Variants in LUZP2 observed in about 807,000 individuals in gnomAD.
The protein encoded by LUZP2 is leucine zipper protein 2.
A neutral mutation model predicts 51.6 loss-of-function variants in LUZP2; 52 were observed. The ratio of observed to expected loss-of-function variants is 1.01; its 90% CI spans 0.81 to 1.27. LUZP2 has a LOEUF of 1.27. Ranked by LOEUF, LUZP2 falls within the 50% of genes most tolerant of loss-of-function variation. The pLI, the probability that LUZP2 is intolerant of heterozygous loss-of-function variation, is 0.00. For synonymous variants in LUZP2, 154 were observed against 137.3 expected (o/e 1.12, Z -0.85); for missense variants, 436 against 395.4 (o/e 1.10, Z -0.87).
At chr11:24,623,893 C>T (rs923985627) in intron 1 of LUZP2, among the ~76,000 whole-genome samples, 2 of 152,204 alleles carry the variant, frequency 1.3e-5, no homozygotes, top group East Asian at 3.9e-4. Context: ...TCAATAACTA[C>T]TTGTTAAACA....
intron 1 of LUZP2, among the ~76,000 whole-genome samples, chr11:24,517,253 A>G (rs1850494410): frequency 6.6e-6 from 1 of 151,982 alleles, no homozygotes; most frequent in African/African-American, 2.4e-5. Context: ...TGGGAGGCCA[A>G]GGTGGGCGGA....
At chr11:24,971,087 A>G (rs1855724238) in intron 7 of LUZP2, among the ~76,000 whole-genome samples, 1 of 152,232 alleles carries the variant, frequency 6.6e-6, no homozygotes, top group African/African-American at 2.4e-5. Context: ...TAAGTAGGAG[A>G]TAAGCATGGA....
intron 1 of LUZP2, among the ~76,000 whole-genome samples, chr11:24,588,031 T>G (rs546668914): frequency 1.3e-5 from 2 of 152,266 alleles, no homozygotes; most frequent in South Asian, 4.1e-4. Context: ...AACTTGAGTA[T>G]GGGAAGATAG....
At chr11:24,689,811 CT>C (rs1180878758) in intron 1 of LUZP2, among the ~76,000 whole-genome samples, 6 of 152,070 alleles carry the variant, frequency 3.9e-5, no homozygotes, top group African/African-American at 1.4e-4. Context: ...GCATTCACTC[CT>C]TTTTCATAAC....
At chr11:25,020,421 C>A (rs780579450) in intron 9 of LUZP2, among the ~76,000 whole-genome samples, 2 of 152,088 alleles carry the variant, frequency 1.3e-5, no homozygotes, top group Non-Finnish European at 2.9e-5. Context: ...TGTGAAGCTG[C>A]ACTTGTAGCT....
At chr11:24,602,166 G>GTGTATATATGTATATA (rs1565020559) in intron 1 of LUZP2, among the ~76,000 whole-genome samples, 1 of 94,710 alleles carries the variant, frequency 1.1e-5, no homozygotes, top group South Asian at 2.9e-4. Flanking sequence ...ATGTATATAT[G>GTGTATATATGTATATA]TGTATATATA....
chr11:24,742,448 A>G (rs935069361), intron 4 of LUZP2, among the ~76,000 whole-genome samples: 9 of 152,082 alleles, frequency 5.9e-5, no homozygotes, highest in African/African-American at 7.2e-5. Flanking sequence ...TTCCCTGATC[A>G]TTAATGATAT....
At chr11:24,838,034 C>G (rs916187150) in intron 5 of LUZP2, among the ~76,000 whole-genome samples, 1 of 151,556 alleles carries the variant, frequency 6.6e-6, no homozygotes, top group African/African-American at 2.4e-5. Context: ...CCTTCATATT[C>G]TACAACTCTA....
intron 1 of LUZP2, among the ~76,000 whole-genome samples, chr11:24,548,233 A>G (rs1391527505): frequency 2.6e-5 from 4 of 152,138 alleles, no homozygotes; most frequent in Non-Finnish European, 5.9e-5. Flanking sequence ...TCATTCTACC[A>G]TAAAGACACA....
At chr11:24,643,765 AG>A (rs1156602240) in intron 1 of LUZP2, among the ~76,000 whole-genome samples, 1 of 152,176 alleles carries the variant, frequency 6.6e-6, no homozygotes, top group African/African-American at 2.4e-5. Context: ...TTGAAAAAAA[AG>A]ATACACCAAA....
chr11:24,704,132 TC>T (rs2133916285), intron 1 of LUZP2, among the ~76,000 whole-genome samples: 1 of 150,106 alleles, frequency 6.7e-6, no homozygotes, highest in East Asian at 2.0e-4. Flanking sequence ...TCTCTCTCTC[TC>T]ATACGTTAAC....
chr11:24,514,806 A>G (rs1280169520), intron 1 of LUZP2, among the ~76,000 whole-genome samples: 1 of 152,182 alleles, frequency 6.6e-6, no homozygotes, highest in African/African-American at 2.4e-5. Flanking sequence ...ATATAGTAAG[A>G]CTTAGTCCTT....
At chr11:25,009,398 A>G (rs1005898640) in intron 9 of LUZP2, among the ~76,000 whole-genome samples, 3 of 152,206 alleles carry the variant, frequency 2.0e-5, no homozygotes, top group Non-Finnish European at 2.9e-5. Context: ...TTGCATATAT[A>G]TATTGTGGTA....
chr11:24,518,736 A>T (rs2133794797), intron 1 of LUZP2, among the ~76,000 whole-genome samples: 1 of 152,322 alleles, frequency 6.6e-6, no homozygotes, highest in South Asian at 2.1e-4. Flanking sequence ...TCTGAAAAAG[A>T]ATTTGGAGGA....
chr11:24,770,503 A>G (rs1860366113), intron 5 of LUZP2, among the ~76,000 whole-genome samples: 1 of 152,118 alleles, frequency 6.6e-6, no homozygotes, highest in African/African-American at 2.4e-5. Flanking sequence ...ATAGTTTACT[A>G]CAATTCTGGC....
intron 5 of LUZP2, among the ~76,000 whole-genome samples, chr11:24,878,888 G>A (rs920108407): frequency 6.6e-6 from 1 of 151,968 alleles, no homozygotes; most frequent in African/African-American, 2.4e-5. Flanking sequence ...TTCTGTTCCT[G>A]TGGTAGTCGC....
At chr11:24,679,753 G>T (rs1856673708) in intron 1 of LUZP2, among the ~76,000 whole-genome samples, 1 of 152,132 alleles carries the variant, frequency 6.6e-6, no homozygotes, top group African/African-American at 2.4e-5. Context: ...ATGTCTTCCT[G>T]TTGGGACCTG....
chr11:24,571,767 C>A (rs796761597), intron 1 of LUZP2, among the ~76,000 whole-genome samples: 1 of 151,932 alleles, frequency 6.6e-6, no homozygotes, highest in Non-Finnish European at 1.5e-5. Context: ...TGAGAAGTAA[C>A]GACTGCTAAA....
chr11:24,859,291 G>A (rs561936603), intron 5 of LUZP2, among the ~76,000 whole-genome samples: 6 of 152,056 alleles, frequency 3.9e-5, no homozygotes, highest in Non-Finnish European at 2.9e-5. Flanking sequence ...AGCTTTTCCC[G>A]ACTTATTGTA....
Sources: gnomAD v4.1 joint callset for allele counts (sites outside exome capture counted in the v4.1 genomes callset) on GRCh38, gnomAD v4.1.1 for gene constraint, MANE v1.5 for transcripts, NCBI Gene and HGNC (gene_info 2026-07-23, HGNC 2026-07-21) for gene names.